Variants in SLC16A7 observed in about 807,000 individuals in gnomAD.
The protein encoded by SLC16A7 is solute carrier family 16 member 7, also known as monocarboxylate transporter 2.
In SLC16A7, 33 loss-of-function variants were observed where a neutral mutation model predicts 34.9. That is an observed-to-expected ratio of 0.94 (90% CI 0.72 to 1.26). SLC16A7 has a LOEUF of 1.26. SLC16A7 is among the 50% of genes most tolerant of loss of function. SLC16A7 has a pLI of 0.00. For synonymous variants in SLC16A7, 201 were observed against 206.6 expected, an observed-to-expected ratio of 0.97 and a Z score of 0.23; for missense variants, 573 against 578.1, an observed-to-expected ratio of 0.99 and a Z score of 0.09.
intron 3 of SLC16A7, among the ~76,000 whole-genome samples, chr12:59,753,513 C>G (rs980978010): frequency 6.6e-6 from 1 of 151,970 alleles, no homozygotes; most frequent in South Asian, 2.1e-4. Flanking sequence ...CAAAGAAGAC[C>G]ATTACATAAT....
At chr12:59,626,992 G>A (rs543967060) in intron 1 of SLC16A7, among the ~76,000 whole-genome samples, 1 of 152,002 alleles carries the variant, frequency 6.6e-6, no homozygotes, top group East Asian at 1.9e-4. Flanking sequence ...AACATGGAGA[G>A]AGGTTGTTAA....
chr12:59,641,319 A>G (rs894872372), intron 1 of SLC16A7, among the ~76,000 whole-genome samples: 1 of 152,072 alleles, frequency 6.6e-6, no homozygotes, highest in Non-Finnish European at 1.5e-5. Context: ...GGGCAGAGAC[A>G]TTGTGTGTTC....
rs534608752 is a variant in SLC16A7 at position 59,784,315 on chromosome 12, G to C, written c.*4636G>C. On this transcript the variant is annotated 3_prime_UTR_variant, in exon 6 of 6. Transcript: ENST00000547379. ...GAGCCCAGGAAGTTGAGGCTTCAGT[G>C]AGCTATAATGGCCCCACTTGCAGTC... 6.6e-6 allele frequency: 1 copy of C among 152,092 alleles called. No individual in the cohort carries two copies. Among genetic ancestry groups the C allele is most frequent in the African/African-American group, 2.4e-5 (1 of 41,506 alleles). The allele number at this position is 152,092 out of a possible 1,614,324, so 9.4% of individuals were successfully genotyped here. A position where few individuals can be genotyped will look rare whatever the true frequency, so the allele number is the denominator to read the frequency against.
intron 3 of SLC16A7, among the ~76,000 whole-genome samples, chr12:59,710,259 C>T (rs12231740): frequency 0.25 from 38,548 of 151,968 alleles, 5,110 homozygotes; most frequent in East Asian, 0.36. Flanking sequence ...TAAGACAGAG[C>T]GTGTTCAGAG....
At chr12:59,693,961 G>A (rs1871972634) in intron 2 of SLC16A7, among the ~76,000 whole-genome samples, 1 of 151,852 alleles carries the variant, frequency 6.6e-6, no homozygotes, top group Non-Finnish European at 1.5e-5. Flanking sequence ...CCTCATCTAT[G>A]AAACGTGATT....
chr12:59,687,164 C>G (rs1477777685), intron 2 of SLC16A7, among the ~76,000 whole-genome samples: 1 of 151,780 alleles, frequency 6.6e-6, no homozygotes, highest in Non-Finnish European at 1.5e-5. Flanking sequence ...CTTGTTTTTA[C>G]TTGTCCTGAG....
chr12:59,779,349 ATAATT>A lies in SLC16A7; in HGVS notation c.1181-71_1181-67del, dbSNP rs1883058047. ...AAATAAGAGGAATATACTTTGAAGA[ATAATT>A]TATTTGAATTTTTATCATTATATGA... is the stretch of plus-strand genomic sequence containing the variant. On this transcript the variant is annotated intron_variant, in intron 5 of 5. Coordinates refer to ENST00000547379, the MANE Select transcript of SLC16A7 (RefSeq NM_001270623.2). 32 of 1,144,896 alleles carry A rather than the reference ATAATT, an allele frequency of 2.8e-5. 1 individual carries two copies. The South Asian group carries it at 4.6e-4, about 17-fold the overall frequency. 70.9% of individuals were successfully genotyped at this position (1,144,896 alleles called of 1,614,324 possible). A position where few individuals can be genotyped will look rare whatever the true frequency, so the allele number is the denominator to read the frequency against.
chr12:59,601,206 A>G (rs1439291358), intron 1 of SLC16A7, among the ~76,000 whole-genome samples: 1 of 152,206 alleles, frequency 6.6e-6, no homozygotes, highest in African/African-American at 2.4e-5. Flanking sequence ...TACAATATGT[A>G]TCATTATTAA....
At chr12:59,658,897 A>C (rs962296570) in intron 2 of SLC16A7, among the ~76,000 whole-genome samples, 1 of 152,094 alleles carries the variant, frequency 6.6e-6, no homozygotes, top group Non-Finnish European at 1.5e-5. Context: ...CTGATATGAA[A>C]TAATCAGTCA....
At chr12:59,722,101 T>G (rs1267521371) in intron 3 of SLC16A7, among the ~76,000 whole-genome samples, 1 of 151,924 alleles carries the variant, frequency 6.6e-6, no homozygotes, top group African/African-American at 2.4e-5. Flanking sequence ...ATATAAACCC[T>G]CTTTTCAGTA....
intron 3 of SLC16A7, among the ~76,000 whole-genome samples, chr12:59,764,902 C>T (rs1427730159): frequency 6.6e-6 from 1 of 152,096 alleles, no homozygotes; most frequent in African/African-American, 2.4e-5. Flanking sequence ...CCTGAGGAAT[C>T]GCCACACTGT....
intron 3 of SLC16A7, among the ~76,000 whole-genome samples, chr12:59,728,066 A>G (rs533109076): frequency 4.8e-4 from 73 of 152,304 alleles, no homozygotes; most frequent in African/African-American, 1.8e-3. Context: ...AACAACAAGG[A>G]GGTTGGAGAG....
intron 3 of SLC16A7, among the ~76,000 whole-genome samples, chr12:59,721,676 T>A (rs1036823504): frequency 2.6e-5 from 4 of 151,846 alleles, no homozygotes; most frequent in Non-Finnish European, 4.4e-5. Context: ...CCAATCAGAA[T>A]TTTTCTTGTA....
At chr12:59,656,999 T>C (rs776665709) in intron 2 of SLC16A7, among the ~76,000 whole-genome samples, 1 of 152,008 alleles carries the variant, frequency 6.6e-6, no homozygotes, top group Non-Finnish European at 1.5e-5. Context: ...AAGTTCTTTA[T>C]AGGGCTGTTG....
At chr12:59,649,122 G>A (rs1868299076) in intron 1 of SLC16A7, among the ~76,000 whole-genome samples, 1 of 152,150 alleles carries the variant, frequency 6.6e-6, no homozygotes, top group Admixed American at 6.5e-5. Flanking sequence ...CTGAATGCAT[G>A]AAGACGATGA....
chr12:59,652,493 A>G (rs1216077503), intron 1 of SLC16A7, among the ~76,000 whole-genome samples: 3 of 151,954 alleles, frequency 2.0e-5, no homozygotes, highest in African/African-American at 7.2e-5. Context: ...TATTCTATTA[A>G]AATAGCAGTA....
intron 3 of SLC16A7, among the ~76,000 whole-genome samples, chr12:59,755,595 T>G (rs150103540): frequency 0.013 from 1,990 of 151,964 alleles, 22 homozygotes; most frequent in Non-Finnish European, 0.017. Flanking sequence ...CACTGCTCAA[T>G]GAAATAAAAG....
At chr12:59,627,982 G>T (rs1052776724) in intron 1 of SLC16A7, among the ~76,000 whole-genome samples, 1 of 151,304 alleles carries the variant, frequency 6.6e-6, no homozygotes, top group Non-Finnish European at 1.5e-5. Flanking sequence ...AAACACTAGG[G>T]TCATTCTTGA....
At chr12:59,597,357 C>G (rs974894350) in intron 1 of SLC16A7, among the ~76,000 whole-genome samples, 6 of 152,088 alleles carry the variant, frequency 3.9e-5, no homozygotes, top group African/African-American at 1.2e-4. Context: ...CTCCTTCCCT[C>G]TTGGGTCCCA....
Sources: gnomAD v4.1 joint callset for allele counts (sites outside exome capture counted in the v4.1 genomes callset) on GRCh38, gnomAD v4.1.1 for gene constraint, MANE v1.5 for transcripts, NCBI Gene and HGNC (gene_info 2026-07-23, HGNC 2026-07-21) for gene names.